The following DRC5 variants were observed in gnomAD, a reference collection of about 807,000 sequenced individuals.
The protein encoded by DRC5 is dynein regulatory complex subunit 5.
At chr6:44,279,316 G>T in the DRC5 span, 11 of 152,528 alleles carry the variant, frequency 7.2e-5, no homozygotes, top group South Asian at 2.1e-4. Context: ...GGTGGGCTGG[G>T]CCTGGCTGGG....
the DRC5 span, among the ~76,000 whole-genome samples, chr6:44,281,021 CTGTGTG>C: frequency 9.9e-5 from 15 of 151,238 alleles, no homozygotes; most frequent in East Asian, 3.9e-4. Flanking sequence ...CCTCTAGAAA[CTGTGTG>C]TGTGTGTGTG....
chr6:44,295,013 GGC>G, the DRC5 span, among the ~76,000 whole-genome samples: 2 of 152,166 alleles, frequency 1.3e-5, no homozygotes, highest in Non-Finnish European at 2.9e-5. Flanking sequence ...AATAGCTGGG[GGC>G]CCCGGGCACA....
At chr6:44,282,690 A>G in the DRC5 span, 14 of 667,262 alleles carry the variant, frequency 2.1e-5, no homozygotes, top group South Asian at 1.5e-4. Flanking sequence ...CAGGCCTACC[A>G]GCATGGCAGA....
the DRC5 span, chr6:44,280,471 T>A: frequency 9.5e-7 from 1 of 1,057,302 alleles, no homozygotes; most frequent in Non-Finnish European, 1.4e-6. Context: ...TTCAGGTAGA[T>A]GTGACTAAAA....
chr6:44,293,986 C>CT, the DRC5 span, among the ~76,000 whole-genome samples: 83 of 147,004 alleles, frequency 5.6e-4, no homozygotes, highest in South Asian at 8.6e-4. Flanking sequence ...ATGTAGCAAA[C>CT]TTTTTTTTTT....
At chr6:44,287,991 C>A in the DRC5 span, 1 of 798,634 alleles carries the variant, frequency 1.3e-6, no homozygotes, top group South Asian at 2.0e-5. Context: ...AGAGGTGGTA[C>A]AGAATAGTGC....
the DRC5 span, among the ~76,000 whole-genome samples, chr6:44,291,959 C>T: frequency 6.6e-6 from 1 of 151,710 alleles, no homozygotes; most frequent in African/African-American, 2.4e-5. Flanking sequence ...CCCACCCAGG[C>T]AGCCTCTCCT....
chr6:44,287,739 G>C, the DRC5 span: 1 of 1,614,206 alleles, frequency 6.2e-7, no homozygotes, highest in Non-Finnish European at 8.5e-7. Context: ...TGCTTGAAGT[G>C]TGTCCTCCAG....
chr6:44,281,275 A>C, the DRC5 span, among the ~76,000 whole-genome samples: 4 of 152,230 alleles, frequency 2.6e-5, no homozygotes, highest in East Asian at 7.7e-4. Flanking sequence ...AAGTCAATTT[A>C]ATGGGTCACA....
the DRC5 span, among the ~76,000 whole-genome samples, chr6:44,292,931 C>T: frequency 2.6e-5 from 4 of 152,186 alleles, no homozygotes; most frequent in Non-Finnish European, 5.9e-5. Context: ...GCAGTGCCTT[C>T]AGCTCTGAGA....
At chr6:44,286,334 T>G in the DRC5 span, 3 of 1,613,788 alleles carry the variant, frequency 1.9e-6, no homozygotes, top group South Asian at 3.3e-5. Flanking sequence ...GTTCTCCAGG[T>G]GCCGCTCGAA....
chr6:44,287,315 G>A, the DRC5 span: 2 of 842,056 alleles, frequency 2.4e-6, no homozygotes, highest in African/African-American at 3.7e-5. Context: ...GAGGGCAGAG[G>A]CATGGAGGGT....
chr6:44,284,810 C>A, the DRC5 span, among the ~76,000 whole-genome samples: 1 of 152,248 alleles, frequency 6.6e-6, no homozygotes, highest in Non-Finnish European at 1.5e-5. Flanking sequence ...ATGACCCTCA[C>A]CCTCACCTGG....
the DRC5 span, among the ~76,000 whole-genome samples, chr6:44,296,782 C>T: frequency 6.6e-6 from 1 of 152,220 alleles, no homozygotes; most frequent in Admixed American, 6.5e-5. Flanking sequence ...CAGATCCCCT[C>T]AGGAGAGCCC....
the DRC5 span, among the ~76,000 whole-genome samples, chr6:44,286,831 C>T: frequency 6.6e-6 from 1 of 152,228 alleles, no homozygotes. Flanking sequence ...GGGATACAAT[C>T]CCTGAGGTCA....
At chr6:44,283,421 TG>T in the DRC5 span, among the ~76,000 whole-genome samples, 4 of 152,144 alleles carry the variant, frequency 2.6e-5, no homozygotes, top group African/African-American at 9.7e-5. Flanking sequence ...GGAAAGGGGA[TG>T]GGGCTGGCAG....
the DRC5 span, chr6:44,280,075 A>T: frequency 1.9e-6 from 2 of 1,044,160 alleles, no homozygotes; most frequent in African/African-American, 1.6e-5. Context: ...GGTTATTCAC[A>T]GTCCCCCTCC....
the DRC5 span, chr6:44,279,872 T>C: frequency 3.9e-6 from 1 of 258,792 alleles, no homozygotes; most frequent in Admixed American, 5.2e-5. Flanking sequence ...AACGGGAGAA[T>C]CTGGCAGGCA....
At chr6:44,289,022 A>AAAAAAAAAG in the DRC5 span, among the ~76,000 whole-genome samples, 1 of 136,480 alleles carries the variant, frequency 7.3e-6, no homozygotes, top group Non-Finnish European at 1.6e-5. Context: ...AAAAAAAAAA[A>AAAAAAAAAG]GAAAAACAGG....
Sources: gnomAD v4.1 joint callset for allele counts (sites outside exome capture counted in the v4.1 genomes callset) on GRCh38, gnomAD v4.1.1 for gene constraint, MANE v1.5 for transcripts, NCBI Gene and HGNC (gene_info 2026-07-23, HGNC 2026-07-21) for gene names.